PRKN: variants seen among roughly 807,000 people sequenced by gnomAD.
The protein encoded by PRKN is E3 ubiquitin-protein ligase parkin.
Under a neutral mutation model 59.5 loss-of-function variants are expected in PRKN, and 56 were observed. That is an observed-to-expected ratio of 0.94 (90% confidence interval 0.76 to 1.18). PRKN has a LOEUF of 1.18. PRKN is among the 50% of genes most tolerant of loss of function. The probability of loss-of-function intolerance (pLI) is 0.00; values close to 1 mark genes in which losing one functional copy is unlikely to be tolerated. For missense variants in PRKN, 657 were observed against 596.4 expected (o/e 1.10, Z -1.06); for synonymous variants, 250 against 222.1 (o/e 1.13, Z -1.12).
intron 4 of PRKN, among the ~76,000 whole-genome samples, chr6:162,127,141 CTG>C (rs1562528818): frequency 6.6e-6 from 1 of 152,170 alleles, no homozygotes; most frequent in African/African-American, 2.4e-5. Context: ...ATTGAAATAA[CTG>C]TCAGATAATC....
intron 4 of PRKN, among the ~76,000 whole-genome samples, chr6:162,200,801 T>C (rs1784694735): frequency 6.6e-6 from 1 of 152,198 alleles, no homozygotes; most frequent in African/African-American, 2.4e-5. Flanking sequence ...TTTAGCAGCC[T>C]AAGGTTCCTA....
At chr6:161,827,532 C>CTTTTTTT (rs1792297318) in intron 6 of PRKN, among the ~76,000 whole-genome samples, 1 of 111,510 alleles carries the variant, frequency 9.0e-6, no homozygotes, top group African/African-American at 3.6e-5. Flanking sequence ...TTTTTTGAGA[C>CTTTTTTT]AGAGTCTCAA....
intron 7 of PRKN, among the ~76,000 whole-genome samples, chr6:161,688,618 T>C (rs1433805845): frequency 6.6e-6 from 1 of 152,222 alleles, no homozygotes; most frequent in East Asian, 1.9e-4. Context: ...GGCCAGGTAC[T>C]AGTATAGCGG....
chr6:162,289,674 C>T (rs569760137), intron 2 of PRKN, among the ~76,000 whole-genome samples: 10 of 141,664 alleles, frequency 7.1e-5, no homozygotes, highest in East Asian at 4.6e-4. Flanking sequence ...GCCAACAGAG[C>T]GAGACACTGT....
chr6:161,574,942 G>T (rs1230587055), intron 7 of PRKN, among the ~76,000 whole-genome samples: 3 of 151,856 alleles, frequency 2.0e-5, no homozygotes, highest in Admixed American at 1.3e-4. Context: ...CTCTTTTCTT[G>T]TCCTGGACTC....
intron 7 of PRKN, among the ~76,000 whole-genome samples, chr6:161,598,018 A>G (rs1781977731): frequency 6.6e-6 from 1 of 152,220 alleles, no homozygotes; most frequent in Non-Finnish European, 1.5e-5. Flanking sequence ...TCAGTAATCA[A>G]AACAAAACAT....
intron 1 of PRKN, among the ~76,000 whole-genome samples, chr6:162,720,091 T>A (rs1778878408): frequency 6.6e-6 from 1 of 152,186 alleles, no homozygotes; most frequent in Non-Finnish European, 1.5e-5. Context: ...TACAGAGGGC[T>A]TCATCACAAG....
intron 9 of PRKN, among the ~76,000 whole-genome samples, chr6:161,482,966 C>T (rs1312026293): frequency 1.3e-5 from 2 of 152,158 alleles, no homozygotes; most frequent in African/African-American, 2.4e-5. Flanking sequence ...TTTCCACAGA[C>T]ATTCTCAGCA....
intron 7 of PRKN, among the ~76,000 whole-genome samples, chr6:161,784,910 G>A (rs1483691108): frequency 6.6e-6 from 1 of 151,982 alleles, no homozygotes; most frequent in Non-Finnish European, 1.5e-5. Context: ...TCCACACAGT[G>A]GAATATTATT....
chr6:161,771,372 TAA>T (rs1369846717), intron 7 of PRKN, among the ~76,000 whole-genome samples: 4 of 36,926 alleles, frequency 1.1e-4, no homozygotes, highest in Admixed American at 2.7e-4. Context: ...AAAAAAAAAA[TAA>T]AATAAAATAA....
Position 162,311,546 on chromosome 6 carries a change from A to C in PRKN, c.172-48781T>G, listed in dbSNP as rs189583055. 9.8e-3 allele frequency among the ~76,000 whole-genome samples: 1,439 copies of C among 146,904 alleles called. 12 individuals carry two copies. Among genetic ancestry groups the C allele is most frequent in the Admixed American group, 0.04 (572 of 14,388 alleles). ...CGCCCAGGCAGGAGTGCAGTGGCACAATCTTGGCTCACTGCAACCTCCACC... is the reference window on the plus strand; with the variant it reads ...CGCCCAGGCAGGAGTGCAGTGGCACCATCTTGGCTCACTGCAACCTCCACC... On this transcript the variant is annotated intron_variant, in intron 2 of 11. Coordinates refer to ENST00000366898, the MANE Select transcript of PRKN (RefSeq NM_004562.3).
chr6:162,035,614 T>G (rs1783809319), intron 5 of PRKN, among the ~76,000 whole-genome samples: 1 of 152,178 alleles, frequency 6.6e-6, no homozygotes, highest in Non-Finnish European at 1.5e-5. Flanking sequence ...AAAGAAAATG[T>G]GACAGCAATT....
intron 1 of PRKN, among the ~76,000 whole-genome samples, chr6:162,480,715 T>G (rs940128911): frequency 1.3e-5 from 2 of 151,984 alleles, no homozygotes; most frequent in Non-Finnish European, 2.9e-5. Flanking sequence ...CCAAAACCCA[T>G]AAATGATGAG....
intron 1 of PRKN, among the ~76,000 whole-genome samples, chr6:162,617,234 A>G (rs1782460936): frequency 6.6e-6 from 1 of 151,968 alleles, no homozygotes; most frequent in African/African-American, 2.4e-5. Context: ...ATACATTATG[A>G]TTAATATTAT....
At chr6:161,455,847 G>T (rs1789945140) in intron 9 of PRKN, among the ~76,000 whole-genome samples, 1 of 135,340 alleles carries the variant, frequency 7.4e-6, no homozygotes, top group African/African-American at 2.9e-5. Flanking sequence ...TGGCGACACA[G>T]CAAGACTCCG....
At chr6:162,502,592 AC>A (rs1164238696) in intron 1 of PRKN, among the ~76,000 whole-genome samples, 1 of 146,936 alleles carries the variant, frequency 6.8e-6, no homozygotes, top group Non-Finnish European at 1.5e-5. Flanking sequence ...TTGAATAATT[AC>A]AATTCATTAT....
At chr6:161,634,676 G>A (rs1168973877) in intron 7 of PRKN, among the ~76,000 whole-genome samples, 1 of 152,132 alleles carries the variant, frequency 6.6e-6, no homozygotes, top group African/African-American at 2.4e-5. Context: ...CAGGAGAGAA[G>A]AGCCGTGGAA....
chr6:161,842,787 A>T (rs2128220956), intron 6 of PRKN, among the ~76,000 whole-genome samples: 1 of 152,162 alleles, frequency 6.6e-6, no homozygotes, highest in Non-Finnish European at 1.5e-5. Flanking sequence ...TGACCTCGTG[A>T]TCTGCCCTCC....
chr6:162,294,360 G>A (rs921622232), intron 2 of PRKN, among the ~76,000 whole-genome samples: 2 of 150,840 alleles, frequency 1.3e-5, no homozygotes, highest in African/African-American at 4.8e-5. Flanking sequence ...GAGAGAGACA[G>A]AGAGAGAGAG....
Sources: allele counts gnomAD v4.1 joint callset (sites outside exome capture counted in the v4.1 genomes callset), GRCh38; gene constraint gnomAD v4.1.1; transcripts MANE v1.5; gene names NCBI Gene and HGNC (gene_info 2026-07-23, HGNC 2026-07-21).